RIMS2: variants seen among roughly 807,000 people sequenced by gnomAD.
RIMS2 encodes regulating synaptic membrane exocytosis protein 2.
In RIMS2, 59 loss-of-function variants were observed where a neutral mutation model predicts 174.4. The observed-to-expected ratio is 0.34, with a 90% CI of 0.27 to 0.42. The LOEUF is 0.42. Among genes scored for constraint, RIMS2 ranks in the 10% least tolerant of loss-of-function variants. The probability of loss-of-function intolerance (pLI) is 1.00; values close to 1 mark genes in which losing one functional copy is unlikely to be tolerated. For missense variants in RIMS2, 1,620 were observed against 1,666.3 expected, an observed-to-expected ratio of 0.97 and a Z score of 0.48; for synonymous variants, 606 against 572.5, an observed-to-expected ratio of 1.06 and a Z score of -0.84.
chr8:104,212,360 G>T (rs1030127555), intron 19 of RIMS2, among the ~76,000 whole-genome samples: 1 of 152,104 alleles, frequency 6.6e-6, no homozygotes, highest in Non-Finnish European at 1.5e-5. Context: ...TCAGCCAAGG[G>T]TTTTTTTAAG....
intron 1 of RIMS2, among the ~76,000 whole-genome samples, chr8:103,575,806 G>T (rs2093186513): frequency 1.3e-5 from 2 of 151,972 alleles, no homozygotes; most frequent in African/African-American, 4.8e-5. Context: ...AACGGATTAA[G>T]AGAATTGGAT....
intron 2 of RIMS2, among the ~76,000 whole-genome samples, chr8:103,754,269 C>T (rs556943664): frequency 2.6e-5 from 4 of 152,072 alleles, no homozygotes; most frequent in African/African-American, 9.7e-5. Flanking sequence ...TGAGTCCTAA[C>T]TTGATTGCAC....
intron 1 of RIMS2, among the ~76,000 whole-genome samples, chr8:103,622,471 T>C (rs2095659063): frequency 6.6e-6 from 1 of 152,154 alleles, no homozygotes; most frequent in Admixed American, 6.5e-5. Context: ...ATTTTATCTT[T>C]CCTGTCTCTA....
chr8:103,515,232 CAT>C (rs1219576730), intron 1 of RIMS2, among the ~76,000 whole-genome samples: 2 of 152,162 alleles, frequency 1.3e-5, no homozygotes, highest in Non-Finnish European at 2.9e-5. Context: ...CTTTAGGACT[CAT>C]ATTGTAACAT....
chr8:104,100,998 T>G (rs911201107), intron 19 of RIMS2, among the ~76,000 whole-genome samples: 2,725 of 141,720 alleles, frequency 0.019, 112 homozygotes, highest in African/African-American at 0.067. Flanking sequence ...ATAGTATATG[T>G]TATATATGAT....
intron 3 of RIMS2, chr8:103,768,899 C>T: frequency 2.0e-6 from 1 of 488,614 alleles, no homozygotes; most frequent in Non-Finnish European, 3.9e-6. Flanking sequence ...GAAGAGGCTG[C>T]AGAATATGCT....
chr8:103,684,398 A>AT (rs1332943184), intron 1 of RIMS2, among the ~76,000 whole-genome samples: 3 of 152,094 alleles, frequency 2.0e-5, no homozygotes, highest in African/African-American at 4.8e-5. Context: ...GGTTGATTAA[A>AT]TTTTTTTAAG....
chr8:103,664,963 C>A (rs2096650664), intron 1 of RIMS2, among the ~76,000 whole-genome samples: 3 of 151,920 alleles, frequency 2.0e-5, no homozygotes, highest in Admixed American at 1.3e-4. Context: ...AGGATGAGTT[C>A]ATGTCCTTTG....
At chr8:103,502,813 T>C (rs1314868407) in intron 1 of RIMS2, among the ~76,000 whole-genome samples, 1 of 152,088 alleles carries the variant, frequency 6.6e-6, no homozygotes, top group Admixed American at 6.5e-5. Flanking sequence ...AATGTGTTTT[T>C]ATTTCTTCAT....
intron 3 of RIMS2, among the ~76,000 whole-genome samples, chr8:103,869,059 T>G (rs1029171237): frequency 1.3e-5 from 2 of 152,160 alleles, no homozygotes; most frequent in Non-Finnish European, 2.9e-5. Context: ...GCTTTAAGAT[T>G]GATAGTTTCC....
intron 1 of RIMS2, among the ~76,000 whole-genome samples, chr8:103,547,197 A>G (rs1466112001): frequency 2.0e-5 from 3 of 152,222 alleles, no homozygotes; most frequent in Admixed American, 1.3e-4. Flanking sequence ...AAATTAAGAA[A>G]GAAAAAGTGA....
intron 19 of RIMS2, among the ~76,000 whole-genome samples, chr8:104,139,350 G>T (rs777189540): frequency 4.6e-5 from 7 of 152,026 alleles, no homozygotes; most frequent in Admixed American, 2.0e-4. Context: ...AGATTGCTTT[G>T]GGTAGTATGG....
At chr8:103,787,240 G>T (rs1266269996) in intron 3 of RIMS2, among the ~76,000 whole-genome samples, 1 of 151,014 alleles carries the variant, frequency 6.6e-6, no homozygotes, top group Admixed American at 6.6e-5. Flanking sequence ...GCCAGTCTGT[G>T]TCTTTTAATT....
intron 1 of RIMS2, among the ~76,000 whole-genome samples, chr8:103,664,425 T>A (rs1387827939): frequency 6.6e-6 from 1 of 151,874 alleles, no homozygotes; most frequent in African/African-American, 2.4e-5. Context: ...TTAAACAGAT[T>A]TACAAGAAAA....
chr8:104,049,299 G>A (rs749174110), intron 19 of RIMS2, among the ~76,000 whole-genome samples: 3 of 151,904 alleles, frequency 2.0e-5, no homozygotes, highest in Non-Finnish European at 4.4e-5. Context: ...TGTGCCTGTA[G>A]TCCCAGCTAC....
At chr8:103,663,622 G>T (rs546407985) in intron 1 of RIMS2, among the ~76,000 whole-genome samples, 64 of 152,222 alleles carry the variant, frequency 4.2e-4, no homozygotes, top group African/African-American at 1.5e-3. Flanking sequence ...ACTGCTCAAC[G>T]AAATAAAAGA....
intron 19 of RIMS2, among the ~76,000 whole-genome samples, chr8:104,179,491 A>C (rs1238623935): frequency 6.6e-6 from 1 of 151,884 alleles, no homozygotes; most frequent in East Asian, 1.9e-4. Flanking sequence ...ATCCATTTTC[A>C]CTTGATAAAA....
chr8:104,183,406 C>T (rs1193372973), intron 19 of RIMS2, among the ~76,000 whole-genome samples: 1 of 151,234 alleles, frequency 6.6e-6, no homozygotes, highest in Non-Finnish European at 1.5e-5. Context: ...TTACATAAAT[C>T]CATACATTTT....
chr8:104,041,577 A>G (rs78116629), intron 19 of RIMS2, among the ~76,000 whole-genome samples: 1 of 151,640 alleles, frequency 6.6e-6, no homozygotes, highest in East Asian at 1.9e-4. Context: ...TTTTTATGTA[A>G]TATGTATAGA....
Sources: allele counts gnomAD v4.1 joint callset (sites outside exome capture counted in the v4.1 genomes callset), GRCh38; gene constraint gnomAD v4.1.1; transcripts MANE v1.5; gene names NCBI Gene and HGNC (gene_info 2026-07-23, HGNC 2026-07-21).